MARCHF10: variants seen among roughly 807,000 people sequenced by gnomAD.
MARCHF10 encodes membrane associated ring-CH-type finger 10.
Under a neutral mutation model 76.2 loss-of-function variants are expected in MARCHF10, and 64 were observed. That is an observed-to-expected ratio of 0.84 (90% CI 0.69 to 1.03). The LOEUF is 1.03. Ranked by LOEUF, MARCHF10 falls within the 50% of genes least tolerant of loss-of-function variation. The pLI, the probability that MARCHF10 is intolerant of heterozygous loss-of-function variation, is 0.00. For synonymous variants in MARCHF10, 340 were observed against 357.5 expected, an observed-to-expected ratio of 0.95 and a Z score of 0.55; for missense variants, 875 against 958.0, an observed-to-expected ratio of 0.91 and a Z score of 1.14.
intron 2 of MARCHF10, among the ~76,000 whole-genome samples, chr17:62,794,713 T>C (rs935951516): frequency 1.3e-5 from 2 of 152,218 alleles, no homozygotes; most frequent in Non-Finnish European, 2.9e-5. Flanking sequence ...AATTCTGGTA[T>C]AAAGCCATCA....
At chr17:62,763,750 G>A (rs1225631761) in intron 3 of MARCHF10, among the ~76,000 whole-genome samples, 1 of 152,074 alleles carries the variant, frequency 6.6e-6, no homozygotes, top group Non-Finnish European at 1.5e-5. Flanking sequence ...CCCAACCTAC[G>A]TGACACTTAA....
intron 8 of MARCHF10, among the ~76,000 whole-genome samples, chr17:62,717,932 C>A (rs1253349868): frequency 1.3e-5 from 2 of 152,070 alleles, no homozygotes. Flanking sequence ...GCGGTGGGGC[C>A]GAGGATATGG....
Position 62,701,485 on chromosome 17 carries a change from G to T in MARCHF10, c.*218C>A. ...CCTGCCAGGGGCTCCACAGTCCCAC[G>T]CTGCTTGACCTGTGCTGTCTGGGAC... On this transcript the variant is annotated 3_prime_UTR_variant, in exon 11 of 11. Transcript: ENST00000311269. The T allele has an allele frequency of 9.2e-7, 1 of 1,091,688 alleles. No homozygotes were observed. Among genetic ancestry groups the T allele is most frequent in the Non-Finnish European group, 1.3e-6 (1 of 789,834 alleles). 67.6% of individuals were successfully genotyped at this position (1,091,688 alleles called of 1,614,324 possible).
intron 3 of MARCHF10, among the ~76,000 whole-genome samples, chr17:62,773,752 G>A (rs945798648): frequency 6.6e-6 from 1 of 152,220 alleles, no homozygotes; most frequent in African/African-American, 2.4e-5. Flanking sequence ...AGGTGGAAGA[G>A]AGGAGGGCGT....
intron 10 of MARCHF10, chr17:62,703,503 T>G (rs1308097919): frequency 1.3e-5 from 2 of 152,512 alleles, no homozygotes; most frequent in Non-Finnish European, 2.9e-5. Context: ...CACCCCAGGA[T>G]GGTCCCTCTG....
At position 62,801,762 on chromosome 17, in the gene MARCHF10, A is replaced by G. The variant is rs776208475; in HGVS notation, c.-17-10T>C. ...ATTCCTAATCCCTGACCTGCACAGAAAAGATAAACAAATGTGCTGTGTTAG... is the reference window on the plus strand; with the variant it reads ...ATTCCTAATCCCTGACCTGCACAGAGAAGATAAACAAATGTGCTGTGTTAG... On this transcript the variant is annotated splice_polypyrimidine_tract_variant and intron_variant, in intron 1 of 10. Transcript: ENST00000311269. 2.5e-6 allele frequency: 4 copies of G among 1,581,266 alleles called. No individual in the cohort carries two copies. In the East Asian group the frequency reaches 8.9e-5, roughly 35 times the overall value.
chr17:62,715,605 G>C (rs1201071339), intron 8 of MARCHF10, among the ~76,000 whole-genome samples: 1 of 152,218 alleles, frequency 6.6e-6, no homozygotes, highest in African/African-American at 2.4e-5. Context: ...ATGTAGGCTT[G>C]CCTCACACAC....
intron 6 of MARCHF10, chr17:62,735,041 A>G (rs2091202195): frequency 6.6e-6 from 1 of 152,342 alleles, no homozygotes; most frequent in South Asian, 2.1e-4. Context: ...TTACTTCATT[A>G]CTGGAGTTGG....
At chr17:62,767,804 C>T (rs936979999) in intron 3 of MARCHF10, among the ~76,000 whole-genome samples, 6 of 152,126 alleles carry the variant, frequency 3.9e-5, no homozygotes, top group African/African-American at 1.4e-4. Context: ...TACTACCTTT[C>T]TAGCAAAATC....
At chr17:62,744,831 T>C (rs1276645330) in intron 4 of MARCHF10, among the ~76,000 whole-genome samples, 1 of 151,808 alleles carries the variant, frequency 6.6e-6, no homozygotes, top group Non-Finnish European at 1.5e-5. Flanking sequence ...ATGGCCAACA[T>C]GGTGAAACCC....
rs368505727 is a variant in MARCHF10, at chr17:62,737,456, C to T, written c.536-124G>A. On this transcript the variant is annotated intron_variant, in intron 5 of 10. Transcript: ENST00000311269. Reference sequence around the variant, plus strand: ...CAAGACCTAGAGAAGAAAACAGACACGGTCAAAATGGCTGGAGGTACAAGA... The same window carrying T: ...CAAGACCTAGAGAAGAAAACAGACATGGTCAAAATGGCTGGAGGTACAAGA... The T allele has an allele frequency of 3.1e-5, 27 of 879,296 alleles. 1 individual carries two copies. The highest frequency in any genetic ancestry group is 1.7e-4 in the African/African-American group (10 of 59,292). 54.5% of individuals were successfully genotyped at this position (879,296 alleles called of 1,614,324 possible). A position where few individuals can be genotyped will look rare whatever the true frequency, so the allele number is the denominator to read the frequency against.
chr17:62,707,155 A>G (rs2147559250), intron 9 of MARCHF10, among the ~76,000 whole-genome samples: 1 of 152,278 alleles, frequency 6.6e-6, no homozygotes, highest in South Asian at 2.1e-4. Flanking sequence ...TTCCCCTGCA[A>G]TGTGGCTGCC....
intron 10 of MARCHF10, among the ~76,000 whole-genome samples, chr17:62,704,452 C>T (rs1188321403): frequency 2.0e-5 from 3 of 152,216 alleles, no homozygotes. Flanking sequence ...AAAGCAGGGC[C>T]CTCTCCGGGT....
chr17:62,759,777 T>G, intron 4 of MARCHF10, 58 bp downstream of exon 4: 1 of 1,567,478 alleles, frequency 6.4e-7, no homozygotes, highest in South Asian at 1.2e-5. Flanking sequence ...GGCCTGTTGT[T>G]GTTATTTTTA....
chr17:62,702,701 G>C (rs757695642), intron 10 of MARCHF10, among the ~76,000 whole-genome samples: 1 of 152,158 alleles, frequency 6.6e-6, no homozygotes, highest in African/African-American at 2.4e-5. Context: ...AGAAAAGAAA[G>C]AAAGTTTCTG....
rs552901656 is a variant in MARCHF10, at chr17:62,765,251, C to G, written c.211-5245G>C. On this transcript the variant is annotated intron_variant, in intron 3 of 10. Transcript: ENST00000311269. ...CCTGTAATTCCAGCTACTCGGGAAG[C>G]TGAGGCACGAGAATTGCTTGAACCC... 1.9e-4 allele frequency among the ~76,000 whole-genome samples: 29 copies of G among 148,878 alleles called. No homozygotes were observed. In the South Asian group the frequency reaches 5.7e-3, roughly 29 times the overall value.
rs57352577 is a variant in MARCHF10 at position 62,715,522 on chromosome 17, G to A, written c.2215-4178C>T. Among the ~76,000 whole-genome samples, 385 of 152,218 alleles carry A rather than the reference G, an allele frequency of 2.5e-3. 15 individuals carry two copies. The East Asian group carries it at 0.066, about 26-fold the overall frequency. The stretch of plus-strand genomic sequence containing the variant: ...CTGTCCAGGAGTTCTGCCCTCCACC[G>A]CAAAACCGAGTGCCCAACCAGCATC... On this transcript the variant is annotated intron_variant, in intron 8 of 10. Transcript: ENST00000311269.
intron 3 of MARCHF10, among the ~76,000 whole-genome samples, chr17:62,781,468 C>G (rs1046188583): frequency 2.0e-5 from 3 of 152,164 alleles, no homozygotes; most frequent in African/African-American, 4.8e-5. Flanking sequence ...CAGAGCTGGC[C>G]TTTCATAAAT....
intron 9 of MARCHF10, among the ~76,000 whole-genome samples, chr17:62,706,794 C>T (rs2089621209): frequency 6.6e-6 from 1 of 152,142 alleles, no homozygotes; most frequent in African/African-American, 2.4e-5. Flanking sequence ...CAGATAGAGA[C>T]AAGACCTGAG....
Sources: allele counts gnomAD v4.1 joint callset (sites outside exome capture counted in the v4.1 genomes callset), GRCh38; gene constraint gnomAD v4.1.1; transcripts MANE v1.5; gene names NCBI Gene and HGNC (gene_info 2026-07-23, HGNC 2026-07-21).